GPHN: variants seen among roughly 807,000 people sequenced by gnomAD.
GPHN encodes gephyrin.
A neutral mutation model predicts 95.5 loss-of-function variants in GPHN; 17 were observed. That is an observed-to-expected ratio of 0.18 (90% confidence interval 0.12 to 0.27). GPHN has a LOEUF of 0.27. GPHN is among the 10% of genes least tolerant of loss of function. The pLI is 1.00. For missense variants in GPHN, 660 were observed against 978.1 expected, an observed-to-expected ratio of 0.67 and a Z score of 4.34; for synonymous variants, 320 against 322.5, an observed-to-expected ratio of 0.99 and a Z score of 0.08.
the GPHN span, among the ~76,000 whole-genome samples, chr14:67,493,635 C>A: frequency 3.3e-5 from 5 of 152,148 alleles, no homozygotes; most frequent in African/African-American, 1.2e-4. Flanking sequence ...CAATACCCTG[C>A]CTGTTGGGGT....
chr14:66,564,787 G>A (rs1025605650), intron 1 of GPHN, among the ~76,000 whole-genome samples: 3 of 152,128 alleles, frequency 2.0e-5, no homozygotes, highest in Admixed American at 1.3e-4. Flanking sequence ...TTGGTGGTAT[G>A]CATAAAAGTG....
intron 1 of GPHN, among the ~76,000 whole-genome samples, chr14:66,663,592 C>G (rs2065781860): frequency 6.6e-6 from 1 of 152,130 alleles, no homozygotes; most frequent in African/African-American, 2.4e-5. Context: ...TCCAAAATAA[C>G]CAGCTAACAT....
the GPHN span, among the ~76,000 whole-genome samples, chr14:67,482,835 C>A: frequency 6.6e-6 from 1 of 152,144 alleles, no homozygotes; most frequent in South Asian, 2.1e-4. Flanking sequence ...CCAAGGAAAG[C>A]CCCTGGGATT....
chr14:66,648,264 A>C (rs1418975777), intron 1 of GPHN, among the ~76,000 whole-genome samples: 1 of 152,164 alleles, frequency 6.6e-6, no homozygotes, highest in African/African-American at 2.4e-5. Context: ...GAAAATAAGA[A>C]ATAATGTTAG....
intron 5 of GPHN, 59 bp from the exon 6 acceptor site, chr14:66,915,944 G>A (rs1186015223): frequency 5.6e-6 from 5 of 885,088 alleles, no homozygotes; most frequent in African/African-American, 1.6e-5. Flanking sequence ...TGTTCTTAAT[G>A]TATTTAAACC....
the GPHN span, chr14:67,556,026 T>C: frequency 8.7e-7 from 1 of 1,150,784 alleles, no homozygotes. Context: ...TGCGTGGAGC[T>C]TTCTGTGGGA....
At chr14:67,560,249 A>G in the GPHN span, among the ~76,000 whole-genome samples, 2 of 151,846 alleles carry the variant, frequency 1.3e-5, no homozygotes, top group African/African-American at 2.4e-5. Context: ...CTGGTCTCGA[A>G]CTCCTGACCT....
the GPHN span, among the ~76,000 whole-genome samples, chr14:67,377,086 T>G: frequency 6.6e-6 from 1 of 152,234 alleles, no homozygotes; most frequent in Non-Finnish European, 1.5e-5. Flanking sequence ...ATTCTGTATG[T>G]TAGGATCTGA....
rs372454340 is a variant in GPHN, at chr14:66,953,235, A to G, written c.829-11956A>G. 2.3e-4 allele frequency among the ~76,000 whole-genome samples: 34 copies of G among 146,996 alleles called. 1 individual carries two copies. Among genetic ancestry groups the G allele is most frequent in the East Asian group, 1.6e-3 (8 of 4,950 alleles). ...ACATATTATCTGGATGCTGGACTCT[A>G]TCAGAGATATGATTTGCAAATATTT... On this transcript the variant is annotated intron_variant, in intron 8 of 22. Coordinates refer to ENST00000478722, the MANE Select transcript of GPHN (RefSeq NM_020806.5).
At chr14:67,485,789 G>T in the GPHN span, among the ~76,000 whole-genome samples, 2 of 152,266 alleles carry the variant, frequency 1.3e-5, no homozygotes, top group Non-Finnish European at 2.9e-5. Context: ...GGGCTGTGCA[G>T]TTAGGAGCCT....
In GPHN at chr14:67,099,110, CT is replaced by C. The variant is rs1200580490; in HGVS notation, c.1238-1730del. ...ATGACGTCTATGTCTGTTGTAAAAA[CT>C]TTTTTTTTTTTTTTTGAGACGGAGT... On this transcript the variant is annotated intron_variant, in intron 12 of 22. Coordinates refer to ENST00000478722, the MANE Select transcript of GPHN (RefSeq NM_020806.5). Among the ~76,000 whole-genome samples, 934 of 138,872 alleles carry C rather than the reference CT, an allele frequency of 6.7e-3. 9 individuals carry two copies. Among genetic ancestry groups the C allele is most frequent in the East Asian group, 0.045 (215 of 4,814 alleles). The allele number at this position is 138,872 out of a possible 152,430, so 91.1% of individuals were successfully genotyped here.
At chr14:67,604,936 CCA>C in the GPHN span, among the ~76,000 whole-genome samples, 3 of 152,130 alleles carry the variant, frequency 2.0e-5, no homozygotes, top group Non-Finnish European at 4.4e-5. Context: ...CGGTCTATTT[CCA>C]CACTCTCTAT....
At chr14:67,000,960 G>A (rs1173104884) in intron 9 of GPHN, among the ~76,000 whole-genome samples, 12 of 151,398 alleles carry the variant, frequency 7.9e-5, no homozygotes, top group South Asian at 4.2e-4. Context: ...TGGCACTAGC[G>A]AATTTCTGCT....
At position 66,922,875 on chromosome 14, in the gene GPHN, T is replaced by G; in HGVS notation, c.666T>G (p.Ser222Arg). The stretch of plus-strand genomic sequence containing the variant: ...AAGAGGAAGAAGAGAAGAAAGACAG[T>G]GGTGTTGCTTCAACAGAAGATAGTT... ...CEEEEEEKKD[S>R]GVASTEDSSS... Residue 222 changes from serine (S) to arginine (R), a missense_variant, in exon 7 of 23, where the codon AGT becomes AGG. Coordinates refer to ENST00000478722, the MANE Select transcript of GPHN (RefSeq NM_020806.5). 1.2e-6 allele frequency: 2 copies of G among 1,612,178 alleles called. No individual in the cohort carries two copies. The highest frequency in any genetic ancestry group is 8.5e-7 in the Non-Finnish European group (1 of 1,179,022).
the GPHN span, among the ~76,000 whole-genome samples, chr14:67,331,024 T>TTAAG: frequency 6.6e-6 from 1 of 152,040 alleles, no homozygotes; most frequent in Non-Finnish European, 1.5e-5. Context: ...TTTATTCTAC[T>TTAAG]TAAGTTTTTT....
intron 13 of GPHN, 136 bp from the exon 14 acceptor site, chr14:67,110,004 C>G (rs2078274722): frequency 4.0e-6 from 3 of 747,838 alleles, no homozygotes; most frequent in African/African-American, 1.8e-5. Context: ...TTTTATTACA[C>G]TGGCCCAAAA....
the GPHN span, among the ~76,000 whole-genome samples, chr14:67,558,013 G>A: frequency 6.6e-6 from 1 of 152,222 alleles, no homozygotes; most frequent in Non-Finnish European, 1.5e-5. Flanking sequence ...CAGAAAACCA[G>A]GGTCTTCCCT....
the GPHN span, among the ~76,000 whole-genome samples, chr14:67,643,882 A>C: frequency 1.6e-5 from 2 of 124,130 alleles, no homozygotes; most frequent in Non-Finnish European, 3.5e-5. Context: ...AAAAAAAAAA[A>C]GACTCAGGTT....
chr14:66,700,232 G>C (rs777215835), intron 2 of GPHN, among the ~76,000 whole-genome samples: 2 of 152,150 alleles, frequency 1.3e-5, no homozygotes, highest in African/African-American at 2.4e-5. Flanking sequence ...TAGGGGAGGA[G>C]GTGAGAGATT....
Sources: allele counts gnomAD v4.1 joint callset (sites outside exome capture counted in the v4.1 genomes callset), GRCh38; gene constraint gnomAD v4.1.1; transcripts MANE v1.5; gene names NCBI Gene and HGNC (gene_info 2026-07-23, HGNC 2026-07-21).